THSD7B: variants seen among roughly 807,000 people sequenced by gnomAD.
The protein encoded by THSD7B is thrombospondin type-1 domain-containing protein 7B.
Under a neutral mutation model 213.6 loss-of-function variants are expected in THSD7B, and 138 were observed. The observed-to-expected ratio is 0.65, with a 90% confidence interval of 0.56 to 0.74. The LOEUF is 0.74. THSD7B is among the 30% of genes least tolerant of loss of function. The pLI is 0.00. For missense variants in THSD7B, 1,931 were observed against 1,991.5 expected (o/e 0.97, Z 0.58); for synonymous variants, 742 against 687.0 (o/e 1.08, Z -1.25).
At chr2:137,024,561 G>T (rs1346514653) in intron 2 of THSD7B, among the ~76,000 whole-genome samples, 1 of 151,892 alleles carries the variant, frequency 6.6e-6, no homozygotes, top group East Asian at 1.9e-4. Flanking sequence ...ATATTTCTTA[G>T]GTTCCTCAAA....
intron 3 of THSD7B, among the ~76,000 whole-genome samples, chr2:137,062,178 T>A (rs1297921400): frequency 1.3e-5 from 2 of 151,762 alleles, no homozygotes; most frequent in African/African-American, 4.8e-5. Flanking sequence ...ATGGGATTAT[T>A]AATGATTACC....
chr2:137,198,677 G>A (rs1164751866), intron 7 of THSD7B, among the ~76,000 whole-genome samples: 1 of 152,072 alleles, frequency 6.6e-6, no homozygotes, highest in African/African-American at 2.4e-5. Flanking sequence ...GGAGCTTTAG[G>A]TGTATAAATG....
chr2:137,503,183 G>A (rs1033864769), intron 15 of THSD7B, among the ~76,000 whole-genome samples: 30 of 151,994 alleles, frequency 2.0e-4, no homozygotes, highest in African/African-American at 7.0e-4. Context: ...TTCTTAAAAT[G>A]AACTTTGTTG....
intron 2 of THSD7B, among the ~76,000 whole-genome samples, chr2:136,973,964 T>A (rs473717): frequency 6.6e-6 from 1 of 152,166 alleles, no homozygotes; most frequent in East Asian, 1.9e-4. Context: ...TTAAATGAAA[T>A]TTAGGCTAAG....
At chr2:136,917,326 A>T (rs1446901949) in intron 2 of THSD7B, among the ~76,000 whole-genome samples, 1 of 152,160 alleles carries the variant, frequency 6.6e-6, no homozygotes, top group Non-Finnish European at 1.5e-5. Flanking sequence ...ATCTGTAGAT[A>T]TATTATTTAG....
rs75381071 is a variant in THSD7B, at chr2:137,056,726, T to C, written c.446T>C (p.Leu149Pro). Residue 149 changes from leucine (L) to proline (P), a missense_variant, in exon 3 of 28, where the codon CTG becomes CCG. Leu to Pro is a moderately conservative substitution (Grantham distance 98). Transcript: ENST00000409968. ...QHRMVRCIQK[L>P]NRTVVANEIC... ...CGGATGGTGCGCTGCATTCAGAAGC[T>C]GAACCGAACTGTGGTTGCAAATGAA... The C allele has an allele frequency of 1.9e-4, 303 of 1,613,998 alleles. 3 individuals carry two copies. The East Asian group carries it at 5.9e-3, about 32-fold the overall frequency.
chr2:137,172,629 A>G (rs1160481257), intron 7 of THSD7B, among the ~76,000 whole-genome samples: 1 of 152,158 alleles, frequency 6.6e-6, no homozygotes, highest in African/African-American at 2.4e-5. Flanking sequence ...AAACCAATAC[A>G]TGTAAAATGT....
chr2:137,436,550 T>G (rs1463758887), intron 14 of THSD7B, among the ~76,000 whole-genome samples: 1 of 152,166 alleles, frequency 6.6e-6, no homozygotes, highest in Non-Finnish European at 1.5e-5. Flanking sequence ...TATTCCATCT[T>G]TTGCATCTAT....
intron 7 of THSD7B, among the ~76,000 whole-genome samples, chr2:137,198,545 A>T (rs1680811261): frequency 6.6e-6 from 1 of 152,154 alleles, no homozygotes; most frequent in African/African-American, 2.4e-5. Flanking sequence ...AGGAAAAGAG[A>T]CTAACGGTTT....
At position 137,409,456 on chromosome 2, in the gene THSD7B, C is replaced by T. The variant is rs116285946; in HGVS notation, c.2696-2153C>T. Among the ~76,000 whole-genome samples, 1,085 of 152,258 alleles carry T rather than the reference C, an allele frequency of 7.1e-3. 3 individuals carry two copies. The highest frequency in any genetic ancestry group is 0.012 in the Non-Finnish European group (801 of 68,026). ...TGGTGATATTGGTAGAATTGAGAAA[C>T]GCAGGAGAAAGAAACATTGTGATGT... On this transcript the variant is annotated intron_variant, in intron 13 of 27. Coordinates refer to ENST00000409968, the MANE Select transcript of THSD7B (RefSeq NM_001316349.2).
At chr2:137,386,271 G>A (rs1685890933) in intron 12 of THSD7B, among the ~76,000 whole-genome samples, 1 of 152,178 alleles carries the variant, frequency 6.6e-6, no homozygotes, top group African/African-American at 2.4e-5. Context: ...TGAGTGTAGT[G>A]AAATTTTATT....
chr2:136,794,719 G>A (rs541753677), intron 1 of THSD7B, among the ~76,000 whole-genome samples: 15 of 151,934 alleles, frequency 9.9e-5, no homozygotes, highest in Non-Finnish European at 1.8e-4. Flanking sequence ...AGCTAATTGT[G>A]TTCTTCACAT....
At chr2:137,030,171 T>C (rs1260515783) in intron 2 of THSD7B, among the ~76,000 whole-genome samples, 1 of 152,086 alleles carries the variant, frequency 6.6e-6, no homozygotes, top group African/African-American at 2.4e-5. Context: ...CAAACATTGT[T>C]TACATCGTAT....
chr2:136,926,343 C>T (rs1250077932), intron 2 of THSD7B, among the ~76,000 whole-genome samples: 3 of 151,756 alleles, frequency 2.0e-5, no homozygotes, highest in Non-Finnish European at 4.4e-5. Context: ...ACCCCCATGA[C>T]ATAAGTTTAC....
At chr2:137,193,364 A>G (rs1025944550) in intron 7 of THSD7B, among the ~76,000 whole-genome samples, 2 of 152,232 alleles carry the variant, frequency 1.3e-5, no homozygotes, top group Admixed American at 1.3e-4. Context: ...TTATAAACAC[A>G]GTGTGGAATA....
intron 12 of THSD7B, among the ~76,000 whole-genome samples, chr2:137,280,702 A>T (rs1573930423): frequency 6.6e-6 from 1 of 152,030 alleles, no homozygotes; most frequent in South Asian, 2.1e-4. Context: ...TATCAGAATA[A>T]TTTTTTTAAT....
At chr2:137,395,975 T>C (rs1214155618) in intron 12 of THSD7B, among the ~76,000 whole-genome samples, 1 of 152,332 alleles carries the variant, frequency 6.6e-6, no homozygotes, top group Non-Finnish European at 1.5e-5. Context: ...TGTTCTCTGA[T>C]GGTAGTTTGT....
chr2:137,451,823 GT>G (rs557803017), intron 15 of THSD7B, among the ~76,000 whole-genome samples: 8 of 152,042 alleles, frequency 5.3e-5, no homozygotes, highest in Middle Eastern at 3.4e-3. Flanking sequence ...TTGATTAAAA[GT>G]TTTTTTTATT....
At chr2:137,066,554 G>C (rs768924381) in intron 3 of THSD7B, among the ~76,000 whole-genome samples, 1 of 152,070 alleles carries the variant, frequency 6.6e-6, no homozygotes, top group African/African-American at 2.4e-5. Flanking sequence ...GAAGTCTGAT[G>C]TAACTTTATC....
Sources: allele counts gnomAD v4.1 joint callset (sites outside exome capture counted in the v4.1 genomes callset), GRCh38; gene constraint gnomAD v4.1.1; transcripts MANE v1.5; gene names NCBI Gene and HGNC (gene_info 2026-07-23, HGNC 2026-07-21).